The following SYNE1 variants were observed in gnomAD, a reference collection of about 807,000 sequenced individuals.
SYNE1 encodes spectrin repeat containing nuclear envelope protein 1.
In SYNE1, 616 loss-of-function variants were observed where a neutral mutation model predicts 1,111.0. The observed-to-expected ratio is 0.55, with a 90% CI of 0.52 to 0.59. SYNE1 has a LOEUF of 0.59. Ranked by LOEUF, SYNE1 falls within the 20% of genes least tolerant of loss-of-function variation. SYNE1 has a pLI of 0.00. For missense variants in SYNE1, 10,006 were observed against 10,417.0 expected, an observed-to-expected ratio of 0.96 and a Z score of 1.72; for synonymous variants, 3,855 against 3,825.8, an observed-to-expected ratio of 1.01 and a Z score of -0.28.
chr6:152,213,692 G>A lies in SYNE1; in HGVS notation c.22414C>T (p.Leu7472=), dbSNP rs889778279. 6.2e-7 allele frequency: 1 copy of A among 1,613,918 alleles called. No individual in the cohort carries two copies. The highest frequency in any genetic ancestry group is 8.5e-7 in the Non-Finnish European group (1 of 1,180,012). ...GCTAACTTTTGTTCTGTCTGAACTA[G>A]GAATTCCATCCATGTTTCACATTTT... ...LEKCETWMEF[L]VQTEQKLAVE... Residue 7472 remains leucine (L), a synonymous_variant, in exon 123 of 146, where the codon CTA becomes TTA. Coordinates refer to ENST00000367255, the MANE Select transcript of SYNE1 (RefSeq NM_182961.4).
At chr6:152,440,060 G>T (rs1257669499) in intron 32 of SYNE1, among the ~76,000 whole-genome samples, 2 of 152,026 alleles carry the variant, frequency 1.3e-5, no homozygotes, top group Non-Finnish European at 2.9e-5. Context: ...AAAACCTCAG[G>T]TATCAACATT....
At chr6:152,324,787 G>C (rs571101122) in intron 81 of SYNE1, among the ~76,000 whole-genome samples, 15 of 152,212 alleles carry the variant, frequency 9.9e-5, no homozygotes, top group Admixed American at 3.9e-4. Context: ...GGCGACAGAG[G>C]GAGACTCCGT....
intron 42 of SYNE1, among the ~76,000 whole-genome samples, chr6:152,412,899 T>G (rs1247293882): frequency 6.6e-6 from 1 of 151,396 alleles, no homozygotes; most frequent in Non-Finnish European, 1.5e-5. Flanking sequence ...TCTTCCAGCC[T>G]GGAATGCTGT....
At position 152,323,623 on chromosome 6, in the gene SYNE1, C is replaced by T. The variant is rs577548641; in HGVS notation, c.15772G>A (p.Val5258Ile). The T allele has an allele frequency of 1.8e-5, 29 of 1,614,218 alleles. No homozygotes were observed. In the East Asian group the frequency reaches 6.0e-4, roughly 33 times the overall value. Residue 5258 changes from valine (V) to isoleucine (I), a missense_variant, in exon 82 of 146, where the codon GTT becomes ATT. Physicochemically the swap from Val to Ile is conservative, Grantham distance 29. This residue lies in a region of SYNE1 where 4,955 missense variants were observed against 5,017.2 expected (regional missense o/e 0.99). Coordinates refer to ENST00000367255, the MANE Select transcript of SYNE1 (RefSeq NM_182961.4). ...LTLLEYHDTF[V>I]LELEQQQSAL... ...GACTGCTGCTGCTCCAGCTCCAGAA[C>T]GAACGTGTCGTGGTATTCAAGAAGA...
intron 70 of SYNE1, 73 bp from the exon 71 acceptor site, chr6:152,350,843 G>T (rs1295764835): frequency 6.5e-7 from 1 of 1,541,218 alleles, no homozygotes. Flanking sequence ...TATTCCCATG[G>T]TATGCAAGAG....
At chr6:152,626,183 A>G (rs2099685345) in intron 3 of SYNE1, among the ~76,000 whole-genome samples, 1 of 152,224 alleles carries the variant, frequency 6.6e-6, no homozygotes, top group African/African-American at 2.4e-5. Context: ...ACTTCCACTC[A>G]AACTAATATC....
chr6:152,442,965 A>G (rs2098545938), intron 30 of SYNE1, among the ~76,000 whole-genome samples: 1 of 152,106 alleles, frequency 6.6e-6, no homozygotes, highest in African/African-American at 2.4e-5. Flanking sequence ...ATGAATAAAT[A>G]TTTATTTCCT....
intron 59 of SYNE1, among the ~76,000 whole-genome samples, chr6:152,370,502 T>C (rs536838655): frequency 6.6e-6 from 1 of 152,372 alleles, no homozygotes; most frequent in South Asian, 2.1e-4. Context: ...AATAATGTTA[T>C]GTGCTTATCA....
chr6:152,157,963 T>C (rs1222659445), intron 131 of SYNE1, among the ~76,000 whole-genome samples: 2 of 152,150 alleles, frequency 1.3e-5, no homozygotes, highest in Non-Finnish European at 2.9e-5. Context: ...TTCCCCATGT[T>C]GGACAGGCTG....
chr6:152,468,016 A>G (rs1187702771), intron 16 of SYNE1, among the ~76,000 whole-genome samples: 1 of 152,168 alleles, frequency 6.6e-6, no homozygotes, highest in Non-Finnish European at 1.5e-5. Flanking sequence ...TTCTTTCAAA[A>G]TGAGGTTGAA....
chr6:152,513,622 C>T (rs1023339596), intron 6 of SYNE1, among the ~76,000 whole-genome samples: 2 of 152,078 alleles, frequency 1.3e-5, no homozygotes, highest in Non-Finnish European at 2.9e-5. Flanking sequence ...GAGTGAGCCA[C>T]CACGCTGGGC....
chr6:152,300,580 G>A, intron 93 of SYNE1, 61 bp downstream of exon 93: 1 of 1,609,532 alleles, frequency 6.2e-7, no homozygotes, highest in Non-Finnish European at 8.5e-7. Flanking sequence ...AATGGAAACA[G>A]AGAATGGAGT....
intron 2 of SYNE1, among the ~76,000 whole-genome samples, chr6:152,630,958 TC>T (rs1409892032): frequency 6.6e-6 from 1 of 152,228 alleles, no homozygotes; most frequent in Admixed American, 6.5e-5. Flanking sequence ...CCAGTATTCA[TC>T]CAGTCTTACT....
intron 8 of SYNE1, among the ~76,000 whole-genome samples, chr6:152,506,601 G>C (rs534883722): frequency 6.6e-6 from 1 of 151,768 alleles, no homozygotes; most frequent in Non-Finnish European, 1.5e-5. Context: ...GAGTGCAGTG[G>C]CACAGTCTCG....
rs202172980 is a variant in SYNE1, at chr6:152,230,681, A to G, written c.21061T>C (p.Leu7021=). 4.3e-5 allele frequency: 70 copies of G among 1,614,052 alleles called. No homozygotes were observed. The East Asian group carries it at 1.3e-3, about 31-fold the overall frequency. ...TEKIQLLEGL[L]ESWSEYENNV... ...TTTTCATATTCTGACCAAGATTCCA[A>G]TAAGCCTTCCAACAGCTGGATCTGA... Residue 7021 remains leucine (L), a synonymous_variant, in exon 115 of 146, where the codon TTG becomes CTG. Transcript: ENST00000367255.
chr6:152,465,174 C>T (rs546963368), intron 18 of SYNE1, 84 bp downstream of exon 18: 84 of 1,447,876 alleles, frequency 5.8e-5, no homozygotes, highest in South Asian at 3.5e-4. Flanking sequence ...TAAATATATG[C>T]GACCCCCTAG....
intron 123 of SYNE1, among the ~76,000 whole-genome samples, chr6:152,213,098 CTT>C (rs2077840365): frequency 6.6e-6 from 1 of 152,138 alleles, no homozygotes; most frequent in African/African-American, 2.4e-5. Flanking sequence ...TCTTCTCCCT[CTT>C]TGTTTCTTAA....
At chr6:152,476,978 A>G (rs2098838655) in intron 14 of SYNE1, among the ~76,000 whole-genome samples, 1 of 152,246 alleles carries the variant, frequency 6.6e-6, no homozygotes, top group Non-Finnish European at 1.5e-5. Flanking sequence ...AAAGTGAGGC[A>G]GTTCAAAGAA....
At chr6:152,373,791 G>T (rs981347499) in intron 58 of SYNE1, among the ~76,000 whole-genome samples, 3 of 152,180 alleles carry the variant, frequency 2.0e-5, no homozygotes, top group Admixed American at 6.5e-5. Flanking sequence ...ACCAAGGGAA[G>T]ATAAGAGCTG....
Sources: allele counts gnomAD v4.1 joint callset (sites outside exome capture counted in the v4.1 genomes callset), GRCh38; gene constraint gnomAD v4.1.1; regional missense constraint gnomAD v4.1.1; transcripts MANE v1.5; gene names NCBI Gene and HGNC (gene_info 2026-07-23, HGNC 2026-07-21).